Variants in PCBP3 observed in about 807,000 individuals in gnomAD.
PCBP3 encodes poly(rC) binding protein 3.
In PCBP3, 25 loss-of-function variants were observed where a neutral mutation model predicts 52.7. The observed-to-expected ratio is 0.47, with a 90% CI of 0.35 to 0.66. The LOEUF (loss-of-function observed/expected upper bound fraction) is 0.66, where lower values mean the gene tolerates loss of function less well. PCBP3 is among the 30% of genes least tolerant of loss of function. The probability of loss-of-function intolerance (pLI) is 0.01; values close to 1 mark genes in which losing one functional copy is unlikely to be tolerated. For synonymous variants in PCBP3, 162 were observed against 183.0 expected (o/e 0.89, Z 0.93); for missense variants, 391 against 490.3 (o/e 0.80, Z 1.91).
intron 4 of PCBP3, among the ~76,000 whole-genome samples, chr21:45,842,989 T>C (rs2093729456): frequency 6.8e-6 from 1 of 147,174 alleles, no homozygotes; most frequent in South Asian, 2.1e-4. Context: ...GTGTATCCTT[T>C]GGCATTTTTC....
chr21:45,803,999 A>G (rs1313467703), intron 4 of PCBP3, among the ~76,000 whole-genome samples: 1 of 152,160 alleles, frequency 6.6e-6, no homozygotes, highest in Non-Finnish European at 1.5e-5. Context: ...GGCACTGAAC[A>G]TCCTTGAGAC....
At chr21:45,797,593 G>GATGA (rs1180300035) in intron 4 of PCBP3, among the ~76,000 whole-genome samples, 1 of 908 alleles carries the variant, frequency 1.1e-3, no homozygotes, top group Non-Finnish European at 2.6e-3. Flanking sequence ...TGCATGGATG[G>GATGA]ATGAATGCAT....
At chr21:45,906,300 C>T (rs2096202410) in intron 9 of PCBP3, among the ~76,000 whole-genome samples, 1 of 152,090 alleles carries the variant, frequency 6.6e-6, no homozygotes, top group Non-Finnish European at 1.5e-5. Flanking sequence ...GTTGGTGGCC[C>T]TGAGGTCTTC....
chr21:45,647,684 C>G (rs1351370744), intron 1 of PCBP3, among the ~76,000 whole-genome samples: 1 of 151,998 alleles, frequency 6.6e-6, no homozygotes, highest in Non-Finnish European at 1.5e-5. Context: ...GAGTTGGGAC[C>G]CTGCTGGAAG....
At chr21:45,698,120 G>A (rs1421683638) in intron 2 of PCBP3, among the ~76,000 whole-genome samples, 1 of 152,130 alleles carries the variant, frequency 6.6e-6, no homozygotes, top group African/African-American at 2.4e-5. Flanking sequence ...AGGAGTCTAG[G>A]GAATAAAATA....
intron 4 of PCBP3, among the ~76,000 whole-genome samples, chr21:45,779,465 C>G (rs2090483128): frequency 1.3e-5 from 2 of 152,170 alleles, no homozygotes; most frequent in Non-Finnish European, 2.9e-5. Flanking sequence ...TTGGTATTTC[C>G]TGTTACTTCT....
intron 5 of PCBP3, among the ~76,000 whole-genome samples, chr21:45,874,505 C>CTTTTTTT (rs551716964): frequency 7.5e-6 from 1 of 134,014 alleles, no homozygotes; most frequent in Non-Finnish European, 1.6e-5. Flanking sequence ...TTCTTCTTTT[C>CTTTTTTT]TTTTTTTTTT....
Position 45,939,239 on chromosome 21 carries a change from G to A in PCBP3, c.910-791G>A, listed in dbSNP as rs115032735. On this transcript the variant is annotated intron_variant, in intron 16 of 17. Transcript: ENST00000681687. Reference sequence around the variant, plus strand: ...CAGAGCTCTCATCCGTGGCCTATGCGTGCATGAAGGGACTCCGTTCCATCC... The same window carrying A: ...CAGAGCTCTCATCCGTGGCCTATGCATGCATGAAGGGACTCCGTTCCATCC... Among the ~76,000 whole-genome samples, 493 of 152,336 alleles carry A rather than the reference G, an allele frequency of 3.2e-3. 3 individuals carry two copies. The highest frequency in any genetic ancestry group is 0.011 in the African/African-American group (460 of 41,588).
intron 4 of PCBP3, among the ~76,000 whole-genome samples, chr21:45,797,337 A>T (rs2091974413): frequency 6.8e-6 from 1 of 147,308 alleles, no homozygotes; most frequent in South Asian, 2.2e-4. Context: ...GAGAGAGTGA[A>T]TGCATGGATG....
chr21:45,938,635 G>C (rs568469556), intron 16 of PCBP3, among the ~76,000 whole-genome samples: 1 of 152,154 alleles, frequency 6.6e-6, no homozygotes, highest in Non-Finnish European at 1.5e-5. Flanking sequence ...ATGTGGGTGG[G>C]GTCTGGGAGA....
intron 2 of PCBP3, among the ~76,000 whole-genome samples, chr21:45,721,829 T>C (rs1441486702): frequency 1.3e-5 from 2 of 152,194 alleles, no homozygotes; most frequent in Admixed American, 1.3e-4. Flanking sequence ...CTCATCTGCA[T>C]GTATTTTGAG....
intron 5 of PCBP3, among the ~76,000 whole-genome samples, chr21:45,884,389 A>G (rs146759996): frequency 1.3e-5 from 2 of 152,246 alleles, no homozygotes; most frequent in East Asian, 3.9e-4. Context: ...TGCTTGCTGT[A>G]GGTAGTATAT....
At chr21:45,674,667 C>G (rs1004924616) in intron 2 of PCBP3, among the ~76,000 whole-genome samples, 3 of 152,120 alleles carry the variant, frequency 2.0e-5, no homozygotes, top group Admixed American at 6.5e-5. Flanking sequence ...ACTTAGGAAA[C>G]TGAAAGTTTT....
intron 4 of PCBP3, among the ~76,000 whole-genome samples, chr21:45,792,259 G>C (rs1394776801): frequency 6.6e-6 from 1 of 152,280 alleles, no homozygotes; most frequent in African/African-American, 2.4e-5. Flanking sequence ...GCAACCCGCA[G>C]AGCTGCGGCA....
chr21:45,706,999 C>T (rs1339194878), intron 2 of PCBP3, among the ~76,000 whole-genome samples: 1 of 152,200 alleles, frequency 6.6e-6, no homozygotes, highest in Non-Finnish European at 1.5e-5. Context: ...TTGTCCTTTT[C>T]TGTAACTTTT....
rs775696351 is a variant in PCBP3, at chr21:45,900,946, T to C, written c.223-51T>C. On this transcript the variant is annotated intron_variant, in intron 8 of 17. Coordinates refer to ENST00000681687, the MANE Select transcript of PCBP3 (RefSeq NM_001384156.1). The stretch of plus-strand genomic sequence containing the variant: ...AACGGACTTGCGGCCCCCGACCCAC[T>C]GGCCCAAGGGTTTTAATCAGGTCGC... The C allele has an allele frequency of 8.0e-6, 11 of 1,369,480 alleles. No individual in the cohort carries two copies. In the Admixed American group the frequency reaches 1.8e-4, roughly 23 times the overall value. 84.8% of individuals were successfully genotyped at this position (1,369,480 alleles called of 1,614,324 possible).
intron 4 of PCBP3, among the ~76,000 whole-genome samples, chr21:45,766,561 C>T (rs1437609334): frequency 1.3e-5 from 2 of 152,228 alleles, no homozygotes; most frequent in African/African-American, 4.8e-5. Flanking sequence ...TCCGTGGAAG[C>T]CCCCAGTCTG....
rs552233192 is a variant in PCBP3 at position 45,795,994 on chromosome 21, G to A, written c.-126+40542G>A. ...GTTTTCTACAAAGATGTAAATCAACGAAACTGCCTCAATGTATGTAATGAG... is the reference window on the plus strand; with the variant it reads ...GTTTTCTACAAAGATGTAAATCAACAAAACTGCCTCAATGTATGTAATGAG... On this transcript the variant is annotated intron_variant, in intron 4 of 17. Coordinates refer to ENST00000681687, the MANE Select transcript of PCBP3 (RefSeq NM_001384156.1). Among the ~76,000 whole-genome samples the A allele has an allele frequency of 1.1e-4, 16 of 152,280 alleles. No homozygotes were observed. The South Asian group carries it at 2.3e-3, about 22-fold the overall frequency.
chr21:45,803,661 G>GC (rs1391989015), intron 4 of PCBP3, among the ~76,000 whole-genome samples: 1 of 152,218 alleles, frequency 6.6e-6, no homozygotes, highest in East Asian at 1.9e-4. Context: ...TGGCTCTGAT[G>GC]CCCACCCCAG....
Sources: allele counts gnomAD v4.1 joint callset (sites outside exome capture counted in the v4.1 genomes callset), GRCh38; gene constraint gnomAD v4.1.1; transcripts MANE v1.5; gene names NCBI Gene and HGNC (gene_info 2026-07-23, HGNC 2026-07-21).